Variants in WWOX observed in about 807,000 individuals in gnomAD.
WWOX encodes WW domain containing oxidoreductase, also known as WW domain-containing oxidoreductase.
In WWOX, 69 loss-of-function variants were observed where a neutral mutation model predicts 46.2. The observed-to-expected ratio is 1.49, with a 90% CI of 1.23 to 1.82. The LOEUF is 1.82. Ranked by LOEUF, WWOX falls within the 40% of genes most tolerant of loss-of-function variation. The probability of loss-of-function intolerance (pLI) is 0.00; values close to 1 mark genes in which losing one functional copy is unlikely to be tolerated. For synonymous variants in WWOX, 359 were observed against 202.6 expected (o/e 1.77, Z -6.56); for missense variants, 919 against 542.6 (o/e 1.69, Z -6.89).
chr16:78,355,746 CAT>C (rs2081272415), intron 5 of WWOX: 6 of 709,170 alleles, frequency 8.5e-6, no homozygotes, highest in South Asian at 1.3e-5. Flanking sequence ...TATGAAGAGA[CAT>C]ATGAATCAAC....
chr16:78,242,016 C>A (rs1459522644), intron 5 of WWOX, among the ~76,000 whole-genome samples: 2 of 152,194 alleles, frequency 1.3e-5, no homozygotes, highest in Non-Finnish European at 2.9e-5. Flanking sequence ...AATGGAATGC[C>A]TGTCATTGTT....
intron 8 of WWOX, among the ~76,000 whole-genome samples, chr16:78,724,005 G>C (rs2048763076): frequency 6.6e-6 from 1 of 152,168 alleles, no homozygotes; most frequent in South Asian, 2.1e-4. Flanking sequence ...GGCTCAGCAG[G>C]AGCGGGAGAG....
At chr16:78,914,560 A>G (rs2045197010) in intron 8 of WWOX, among the ~76,000 whole-genome samples, 1 of 151,974 alleles carries the variant, frequency 6.6e-6, no homozygotes, top group Admixed American at 6.6e-5. Flanking sequence ...GTGTGGGATC[A>G]AGAACTTTTA....
intron 8 of WWOX, among the ~76,000 whole-genome samples, chr16:78,793,960 G>T (rs1228788992): frequency 1.3e-5 from 2 of 152,106 alleles, no homozygotes; most frequent in Non-Finnish European, 2.9e-5. Context: ...GGCAGGTAGG[G>T]CTCAGAAAGA....
At chr16:78,934,825 C>G (rs2045702200) in intron 8 of WWOX, among the ~76,000 whole-genome samples, 1 of 152,126 alleles carries the variant, frequency 6.6e-6, no homozygotes, top group African/African-American at 2.4e-5. Flanking sequence ...GCAGACTGGG[C>G]ATGGTGGCTC....
At chr16:78,724,009 G>A (rs1002439130) in intron 8 of WWOX, among the ~76,000 whole-genome samples, 11 of 152,148 alleles carry the variant, frequency 7.2e-5, no homozygotes, top group South Asian at 4.1e-4. Context: ...CAGCAGGAGC[G>A]GGAGAGGATG....
intron 8 of WWOX, among the ~76,000 whole-genome samples, chr16:79,009,235 T>C (rs2047254509): frequency 6.6e-6 from 1 of 152,212 alleles, no homozygotes; most frequent in Admixed American, 6.5e-5. Context: ...ACTTGAGTGT[T>C]ACAAACGGTT....
At chr16:79,000,898 G>T (rs1177366480) in intron 8 of WWOX, among the ~76,000 whole-genome samples, 1 of 152,118 alleles carries the variant, frequency 6.6e-6, no homozygotes, top group Non-Finnish European at 1.5e-5. Flanking sequence ...ACTTATTTGT[G>T]TGATGATTTA....
chr16:78,210,283 A>T (rs1360636655), intron 5 of WWOX, among the ~76,000 whole-genome samples: 1 of 152,234 alleles, frequency 6.6e-6, no homozygotes, highest in African/African-American at 2.4e-5. Context: ...TAATTGAGCC[A>T]TGCTGTATTT....
At chr16:78,616,321 G>T (rs1447705772) in intron 8 of WWOX, among the ~76,000 whole-genome samples, 2 of 152,094 alleles carry the variant, frequency 1.3e-5, no homozygotes, top group African/African-American at 4.8e-5. Context: ...CAACGGAAAT[G>T]TATTTCTCAC....
rs184238467 is a variant in WWOX at position 79,193,646 on chromosome 16, T to C, written c.1057-17962T>C. ...AATATTGCAAATTGACCCTCGCACATCTTTTCTTACTGCCGGTCACCTAGC... is the reference window on the plus strand; with the variant it reads ...AATATTGCAAATTGACCCTCGCACACCTTTTCTTACTGCCGGTCACCTAGC... On this transcript the variant is annotated intron_variant, in intron 8 of 8. Transcript: ENST00000566780. 2.6e-5 allele frequency among the ~76,000 whole-genome samples: 4 copies of C among 152,298 alleles called. No individual in the cohort carries two copies. The East Asian group carries it at 7.7e-4, about 29-fold the overall frequency.
At chr16:78,752,131 A>G (rs2049497769) in intron 8 of WWOX, among the ~76,000 whole-genome samples, 1 of 152,208 alleles carries the variant, frequency 6.6e-6, no homozygotes, top group African/African-American at 2.4e-5. Flanking sequence ...TCCATAAAAG[A>G]GTATCTCTTG....
At chr16:78,675,604 A>G (rs2047577641) in intron 8 of WWOX, among the ~76,000 whole-genome samples, 1 of 152,132 alleles carries the variant, frequency 6.6e-6, no homozygotes, top group South Asian at 2.1e-4. Context: ...CTCCCGCCCT[A>G]CTGCTCGCAA....
At chr16:79,211,267 G>C (rs911838242) in intron 8 of WWOX, among the ~76,000 whole-genome samples, 2 of 152,132 alleles carry the variant, frequency 1.3e-5, no homozygotes, top group Non-Finnish European at 2.9e-5. Context: ...GGATGAATTT[G>C]TTCTTGCACG....
intron 8 of WWOX, among the ~76,000 whole-genome samples, chr16:79,095,184 C>G (rs966302888): frequency 1.3e-5 from 2 of 152,188 alleles, no homozygotes; most frequent in African/African-American, 4.8e-5. Flanking sequence ...GAGCTGCTGT[C>G]TTTGTCCACC....
In WWOX at chr16:78,717,217, T is replaced by C. The variant is rs534661641; in HGVS notation, c.1056+284465T>C. On this transcript the variant is annotated intron_variant, in intron 8 of 8. Transcript: ENST00000566780. ...ACCAAGAGTAAGTGTGTTTTTTAAA[T>C]TTAATTTAAATCAATTCATTAAGCA... Among the ~76,000 whole-genome samples the C allele has an allele frequency of 3.9e-5, 6 of 152,290 alleles. No individual in the cohort carries two copies. In the South Asian group the frequency reaches 1.2e-3, roughly 32 times the overall value.
intron 8 of WWOX, among the ~76,000 whole-genome samples, chr16:78,635,775 C>T (rs1348207424): frequency 6.6e-6 from 1 of 152,156 alleles, no homozygotes. Flanking sequence ...TGCCCTTGAG[C>T]TGGATGTCCA....
At chr16:78,567,746 G>T (rs997555944) in intron 8 of WWOX, among the ~76,000 whole-genome samples, 1 of 151,870 alleles carries the variant, frequency 6.6e-6, no homozygotes, top group Non-Finnish European at 1.5e-5. Context: ...TGGCTGAGTC[G>T]GGGAGAAAAG....
chr16:78,363,953 T>G (rs1459514987), intron 5 of WWOX, among the ~76,000 whole-genome samples: 1 of 152,208 alleles, frequency 6.6e-6, no homozygotes, highest in African/African-American at 2.4e-5. Context: ...TGCCTGTCAC[T>G]CTTGCTGACA....
Sources: gnomAD v4.1 joint callset for allele counts (sites outside exome capture counted in the v4.1 genomes callset) on GRCh38, gnomAD v4.1.1 for gene constraint, MANE v1.5 for transcripts, NCBI Gene and HGNC (gene_info 2026-07-23, HGNC 2026-07-21) for gene names.